WIPF1: variants seen among roughly 807,000 people sequenced by gnomAD.
The protein encoded by WIPF1 is WAS/WASL-interacting protein family member 1.
In WIPF1, 13 loss-of-function variants were observed where a neutral mutation model predicts 35.4. That is an observed-to-expected ratio of 0.37 (90% confidence interval 0.24 to 0.58). The LOEUF (loss-of-function observed/expected upper bound fraction) is 0.58. WIPF1 is among the 20% of genes least tolerant of loss of function. WIPF1 has a pLI of 0.74. For missense variants in WIPF1, 591 were observed against 667.0 expected (o/e 0.89, Z 1.25); for synonymous variants, 267 against 266.3 (o/e 1.00, Z -0.02).
In WIPF1 at chr2:174,562,120, G is replaced by A. The variant is rs1321282096; in HGVS notation, c.*427C>T. On this transcript the variant is annotated 3_prime_UTR_variant, in exon 8 of 8. Transcript: ENST00000679041. ...GAGCCCTTACTCAGCAGCTTGCTTAGGTGGTCTGTGGTTCATAGAAACAGA... is the reference window on the plus strand; with the variant it reads ...GAGCCCTTACTCAGCAGCTTGCTTAAGTGGTCTGTGGTTCATAGAAACAGA... 1.2e-5 allele frequency: 19 copies of A among 1,550,620 alleles called. No homozygotes were observed. The highest frequency in any genetic ancestry group is 3.3e-4 in the Middle Eastern group (2 of 5,992).
intron 1 of WIPF1, among the ~76,000 whole-genome samples, chr2:174,633,782 C>G (rs771730832): frequency 6.6e-6 from 1 of 152,134 alleles, no homozygotes; most frequent in Non-Finnish European, 1.5e-5. Context: ...CTCTGGCAAC[C>G]GTCACACCTC....
At chr2:174,642,303 A>C (rs919115189) in intron 1 of WIPF1, among the ~76,000 whole-genome samples, 1 of 149,074 alleles carries the variant, frequency 6.7e-6, no homozygotes, top group Non-Finnish European at 1.5e-5. Context: ...TTTAAATTCT[A>C]ATTTTCTTCT....
At chr2:174,567,761 T>C (rs981678700) in intron 6 of WIPF1, 100 bp downstream of exon 6, 5 of 1,319,824 alleles carry the variant, frequency 3.8e-6, no homozygotes, top group Non-Finnish European at 5.2e-6. Context: ...GTGATAATGA[T>C]GGAACAAGAA....
intron 1 of WIPF1, among the ~76,000 whole-genome samples, chr2:174,639,345 T>A (rs1375218355): frequency 2.0e-5 from 3 of 152,160 alleles, no homozygotes; most frequent in Admixed American, 2.0e-4. Context: ...AGCCTCAAAC[T>A]CAGGCTTAAG....
chr2:174,600,692 T>A (rs1685973535), upstream of WIPF1, among the ~76,000 whole-genome samples: 1 of 152,192 alleles, frequency 6.6e-6, no homozygotes, highest in South Asian at 2.1e-4. Flanking sequence ...TGACACTGTC[T>A]TATTTATCTG....
chr2:174,631,436 A>C (rs1687016545), intron 1 of WIPF1, among the ~76,000 whole-genome samples: 1 of 152,240 alleles, frequency 6.6e-6, no homozygotes, highest in African/African-American at 2.4e-5. Context: ...GACAGAAAGT[A>C]GAATGGTGGC....
At chr2:174,607,186 G>T (rs1177444904) in intron 1 of WIPF1, among the ~76,000 whole-genome samples, 1 of 152,158 alleles carries the variant, frequency 6.6e-6, no homozygotes, top group South Asian at 2.1e-4. Context: ...GGCGGATCAC[G>T]AGGGCAGGAG....
chr2:174,656,481 A>T (rs1687643178), intron 1 of WIPF1, among the ~76,000 whole-genome samples: 1 of 152,196 alleles, frequency 6.6e-6, no homozygotes, highest in African/African-American at 2.4e-5. Flanking sequence ...GAAATAGAGG[A>T]ACTCATACCA....
At chr2:174,642,634 G>A (rs564783181) in intron 1 of WIPF1, among the ~76,000 whole-genome samples, 1,922 of 140,210 alleles carry the variant, frequency 0.014, 53 homozygotes, top group African/African-American at 0.057. Flanking sequence ...GGCATGAGCC[G>A]CCGCGCCCGG....
chr2:174,607,806 T>G (rs545614836), intron 1 of WIPF1, among the ~76,000 whole-genome samples: 1 of 152,352 alleles, frequency 6.6e-6, no homozygotes. Context: ...AGAGTTTGTC[T>G]TGGTCACTGC....
chr2:174,580,612 G>A (rs1685204847), intron 3 of WIPF1, among the ~76,000 whole-genome samples: 1 of 152,210 alleles, frequency 6.6e-6, no homozygotes, highest in Non-Finnish European at 1.5e-5. Context: ...GGAATGTGAG[G>A]AGACAGGCTT....
chr2:174,581,484 A>C, intron 2 of WIPF1, 45 bp from the exon 3 acceptor site: 2 of 1,603,408 alleles, frequency 1.2e-6, no homozygotes, highest in Non-Finnish European at 1.7e-6. Context: ...TTGGGTTAAA[A>C]TCATGCATTG....
intron 3 of WIPF1, among the ~76,000 whole-genome samples, chr2:174,576,812 A>G (rs1392060171): frequency 6.6e-6 from 1 of 152,194 alleles, no homozygotes; most frequent in African/African-American, 2.4e-5. Flanking sequence ...CCATGCTTAT[A>G]CCCTCTTTAA....
chr2:174,592,934 C>T (rs762633500), intron 1 of WIPF1, among the ~76,000 whole-genome samples: 17 of 152,094 alleles, frequency 1.1e-4, no homozygotes, highest in Middle Eastern at 3.2e-3. Context: ...ATATATAATG[C>T]TCTTAACTCA....
At chr2:174,681,892 C>G (rs1485615654) in intron 1 of WIPF1, among the ~76,000 whole-genome samples, 2 of 152,232 alleles carry the variant, frequency 1.3e-5, no homozygotes, top group East Asian at 1.9e-4. Context: ...GTTCCTCACA[C>G]AGCCACACCC....
intron 1 of WIPF1, among the ~76,000 whole-genome samples, chr2:174,632,870 C>T (rs1687071125): frequency 6.6e-6 from 1 of 152,186 alleles, no homozygotes; most frequent in South Asian, 2.1e-4. Context: ...CAAAGCAAAA[C>T]AAAACTGAAA....
rs1684501081 is a variant in WIPF1, at chr2:174,562,161, G to A, written c.*386C>T. ...TAGAAACAGAGAGGAGGCCAAGCAT[G>A]CGAAAAAGGAACGGGAGAAAACAGC... is the stretch of plus-strand genomic sequence containing the variant. On this transcript the variant is annotated 3_prime_UTR_variant, in exon 8 of 8. Transcript: ENST00000679041. 6.4e-7 allele frequency: 1 copy of A among 1,550,402 alleles called. No homozygotes were observed. The highest frequency in any genetic ancestry group is 1.4e-5 in the African/African-American group (1 of 73,008).
intron 1 of WIPF1, among the ~76,000 whole-genome samples, chr2:174,618,547 C>A (rs1419639905): frequency 6.6e-6 from 1 of 152,196 alleles, no homozygotes; most frequent in Non-Finnish European, 1.5e-5. Context: ...ACAGTAATAA[C>A]AACAGTAACA....
At chr2:174,600,764 C>A (rs1685975888), upstream of WIPF1, among the ~76,000 whole-genome samples, 2 of 152,106 alleles carry the variant, frequency 1.3e-5, no homozygotes, top group African/African-American at 2.4e-5. Context: ...GGGACCTTGT[C>A]CATCTTGTTT....
Sources: gnomAD v4.1 joint callset for allele counts (sites outside exome capture counted in the v4.1 genomes callset) on GRCh38, gnomAD v4.1.1 for gene constraint, MANE v1.5 for transcripts, NCBI Gene and HGNC (gene_info 2026-07-23, HGNC 2026-07-21) for gene names.